Variants in ROR1 observed in about 807,000 individuals in gnomAD.
ROR1 encodes inactive tyrosine-protein kinase transmembrane receptor ROR1.
Under a neutral mutation model 78.8 loss-of-function variants are expected in ROR1, and 19 were observed. The observed-to-expected ratio is 0.24, with a 90% confidence interval of 0.17 to 0.35. ROR1 has a LOEUF of 0.35. ROR1 is among the 10% of genes least tolerant of loss of function. The pLI, the probability that ROR1 is intolerant of heterozygous loss-of-function variation, is 1.00. For synonymous variants in ROR1, 386 were observed against 433.6 expected (o/e 0.89, Z 1.36); for missense variants, 917 against 1,177.8 (o/e 0.78, Z 3.24).
chr1:63,977,188 G>A (rs1249463477), intron 1 of ROR1, among the ~76,000 whole-genome samples: 2 of 152,192 alleles, frequency 1.3e-5, no homozygotes, highest in Admixed American at 6.5e-5. Flanking sequence ...TCCCTCCCAT[G>A]ACACATGGGG....
intron 2 of ROR1, among the ~76,000 whole-genome samples, chr1:64,017,166 A>G (rs1425413745): frequency 6.6e-6 from 1 of 151,940 alleles, no homozygotes; most frequent in Non-Finnish European, 1.5e-5. Context: ...TCGGCCCCCC[A>G]AAGTGCTGGG....
In ROR1 at chr1:64,178,857, A is replaced by T; in HGVS notation, c.*2A>T. 6.2e-7 allele frequency: 1 copy of T among 1,606,144 alleles called. No homozygotes were observed. The highest frequency in any genetic ancestry group is 1.1e-5 in the South Asian group (1 of 90,356). On this transcript the variant is annotated 3_prime_UTR_variant, in exon 9 of 9. Coordinates refer to ENST00000371079, the MANE Select transcript of ROR1 (RefSeq NM_005012.4). This position sits in a 1 kb window ranked among gnomAD's most constrained non-coding sequence, Gnocchi z 4.3. ...TCTATGATTTCTGCAGAACTGTAAAATGCACAACTTTTGTAAATGTGGTAT... is the reference window on the plus strand; with the variant it reads ...TCTATGATTTCTGCAGAACTGTAAATTGCACAACTTTTGTAAATGTGGTAT...
chr1:63,810,469 T>C (rs1644854510), intron 1 of ROR1, among the ~76,000 whole-genome samples: 1 of 152,196 alleles, frequency 6.6e-6, no homozygotes, highest in Non-Finnish European at 1.5e-5. Flanking sequence ...CAGCCTTTAA[T>C]GAACTGCTAG....
At chr1:64,161,740 A>C (rs1476653728) in intron 8 of ROR1, among the ~76,000 whole-genome samples, 1 of 152,228 alleles carries the variant, frequency 6.6e-6, no homozygotes, top group East Asian at 1.9e-4. Context: ...AAACTCCTGA[A>C]CCAGAGAAGT....
At chr1:64,008,373 A>G (rs1201510010) in intron 1 of ROR1, among the ~76,000 whole-genome samples, 2 of 152,140 alleles carry the variant, frequency 1.3e-5, no homozygotes, top group East Asian at 1.9e-4. Context: ...GTTGATGGGC[A>G]CCTAGGTTGA....
intron 1 of ROR1, among the ~76,000 whole-genome samples, chr1:63,885,437 A>G (rs1402438128): frequency 6.6e-6 from 1 of 152,046 alleles, no homozygotes; most frequent in Non-Finnish European, 1.5e-5. Flanking sequence ...TGTTCTGTTG[A>G]ACAAACAGGG....
intron 8 of ROR1, among the ~76,000 whole-genome samples, chr1:64,162,993 G>A (rs983628768): frequency 6.6e-5 from 10 of 152,040 alleles, no homozygotes; most frequent in African/African-American, 2.4e-4. Flanking sequence ...GCAGGGAGGG[G>A]GCAGAGTCTC....
Position 63,954,934 on chromosome 1 carries a change from C to T in ROR1, c.92-54371C>T, listed in dbSNP as rs192085692. On this transcript the variant is annotated intron_variant, in intron 1 of 8. Coordinates refer to ENST00000371079, the MANE Select transcript of ROR1 (RefSeq NM_005012.4). ...AATGGAGAAAGACCTAAGAAGTTAA[C>T]GAAAAACATGGAAGATAGACAAGTA... 2.5e-4 allele frequency among the ~76,000 whole-genome samples: 38 copies of T among 152,100 alleles called. No individual in the cohort carries two copies. The East Asian group carries it at 4.6e-3, about 19-fold the overall frequency.
At chr1:63,806,560 G>A (rs550941567) in intron 1 of ROR1, among the ~76,000 whole-genome samples, 513 of 152,170 alleles carry the variant, frequency 3.4e-3, no homozygotes, top group Non-Finnish European at 5.8e-3. Flanking sequence ...CTTGTGATCC[G>A]CCCGCCCTGG....
chr1:64,023,702 A>G (rs1279017423), intron 2 of ROR1, among the ~76,000 whole-genome samples: 1 of 152,232 alleles, frequency 6.6e-6, no homozygotes, highest in Non-Finnish European at 1.5e-5. Flanking sequence ...AAAAGGAATC[A>G]TATTGAGCCA....
chr1:64,084,557 C>G (rs1039126641), intron 4 of ROR1, among the ~76,000 whole-genome samples: 13 of 152,164 alleles, frequency 8.5e-5, no homozygotes, highest in African/African-American at 2.9e-4. Flanking sequence ...AGCTGAATGA[C>G]AAAATCCATG....
intron 4 of ROR1, among the ~76,000 whole-genome samples, chr1:64,115,533 C>G (rs1326387121): frequency 6.6e-6 from 1 of 151,802 alleles, no homozygotes; most frequent in African/African-American, 2.4e-5. Flanking sequence ...CCTCAGTTTA[C>G]TCATCTGTAT....
intron 1 of ROR1, among the ~76,000 whole-genome samples, chr1:63,994,942 G>A (rs182248471): frequency 2.0e-5 from 3 of 152,356 alleles, no homozygotes; most frequent in East Asian, 3.9e-4. Context: ...AATGCTGATA[G>A]CTGTGGGAGG....
intron 1 of ROR1, among the ~76,000 whole-genome samples, chr1:63,823,859 T>C (rs1258020950): frequency 2.0e-5 from 3 of 152,008 alleles, no homozygotes; most frequent in African/African-American, 7.2e-5. Flanking sequence ...GCCATTCTCC[T>C]GTCTCAGCCT....
At chr1:64,110,584 T>G (rs1648052733) in intron 4 of ROR1, 1 of 152,050 alleles carries the variant, frequency 6.6e-6, no homozygotes, top group Admixed American at 6.6e-5. Context: ...GTTGTTTCTG[T>G]TTGTAATTTC....
chr1:63,805,468 C>T (rs1409078431), intron 1 of ROR1, among the ~76,000 whole-genome samples: 5 of 152,158 alleles, frequency 3.3e-5, no homozygotes, highest in Non-Finnish European at 4.4e-5. Flanking sequence ...GTATAAAATG[C>T]ACTATAAAAA....
chr1:63,857,440 G>A (rs1645155941), intron 1 of ROR1, among the ~76,000 whole-genome samples: 1 of 152,154 alleles, frequency 6.6e-6, no homozygotes, highest in African/African-American at 2.4e-5. Context: ...TGGACCCTCA[G>A]ATGTGGTATA....
chr1:63,871,751 T>C (rs57255891), intron 1 of ROR1, among the ~76,000 whole-genome samples: 191 of 152,348 alleles, frequency 1.3e-3, no homozygotes, highest in African/African-American at 4.3e-3. Flanking sequence ...ACTATGTTCA[T>C]TTTCCCATGC....
intron 4 of ROR1, among the ~76,000 whole-genome samples, chr1:64,056,751 G>T (rs1646878864): frequency 1.3e-5 from 2 of 150,966 alleles, no homozygotes. Flanking sequence ...GTTTTGATTT[G>T]CATTTTCCTA....
Sources: gnomAD v4.1 joint callset for allele counts (sites outside exome capture counted in the v4.1 genomes callset) on GRCh38, gnomAD v4.1.1 for gene constraint, Gnocchi (gnomAD v3.1) non-coding constraint, MANE v1.5 for transcripts, NCBI Gene and HGNC (gene_info 2026-07-23, HGNC 2026-07-21) for gene names.